The following CACNB2 variants were observed in gnomAD, a reference collection of about 807,000 sequenced individuals.
CACNB2 encodes calcium voltage-gated channel auxiliary subunit beta 2.
Under a neutral mutation model 73.3 loss-of-function variants are expected in CACNB2, and 42 were observed. The observed-to-expected ratio is 0.57, with a 90% CI of 0.45 to 0.74. CACNB2 has a LOEUF of 0.74. Among genes scored for constraint, CACNB2 ranks in the 30% least tolerant of loss-of-function variants. The pLI is 0.00. For missense variants in CACNB2, 940 were observed against 853.0 expected (o/e 1.10, Z -1.27); for synonymous variants, 348 against 310.3 (o/e 1.12, Z -1.28).
intron 2 of CACNB2, among the ~76,000 whole-genome samples, chr10:18,305,546 C>T (rs1000003159): frequency 6.6e-6 from 1 of 152,168 alleles, no homozygotes; most frequent in African/African-American, 2.4e-5. Flanking sequence ...AGAAGACAGT[C>T]TTTCATTATT....
rs201037944 is a variant in CACNB2 at position 18,201,601 on chromosome 10, A to C, written c.213+50626A>C. On this transcript the variant is annotated intron_variant, in intron 2 of 13. Coordinates refer to ENST00000324631, the MANE Select transcript of CACNB2 (RefSeq NM_201596.3). ...GTGTTGTTTTTAATTGACACATAATAATTTTACATATTTATAAGGTACATA... is the reference window on the plus strand; with the variant it reads ...GTGTTGTTTTTAATTGACACATAATCATTTTACATATTTATAAGGTACATA... Among the ~76,000 whole-genome samples, 4 of 152,178 alleles carry C rather than the reference A, an allele frequency of 2.6e-5. No homozygotes were observed. The East Asian group carries it at 7.7e-4, about 29-fold the overall frequency.
chr10:18,171,521 G>GGAAAAAAAA lies in CACNB2; in HGVS notation c.213+20546_213+20547insGAAAAAAAA, dbSNP rs1185764878. Among the ~76,000 whole-genome samples, 2 of 32,588 alleles carry GGAAAAAAAA rather than the reference G, an allele frequency of 6.1e-5. 1 individual carries two copies. 21.4% of individuals were successfully genotyped at this position (32,588 alleles called of 152,430 possible). A position where few individuals can be genotyped will look rare whatever the true frequency, so the allele number is the denominator to read the frequency against. ...TCCCTTCTTCCCGGCTTTGATAGCA[G>GGAAAAAAAA]AAAAAAAAAAAAAAAAAAAAAAAAA... On this transcript the variant is annotated intron_variant, in intron 2 of 13. Transcript: ENST00000324631.
chr10:18,214,726 G>C (rs2035445977), intron 2 of CACNB2, among the ~76,000 whole-genome samples: 1 of 151,502 alleles, frequency 6.6e-6, no homozygotes, highest in South Asian at 2.1e-4. Flanking sequence ...GAACAGATTT[G>C]TAACTCCTTT....
intron 2 of CACNB2, among the ~76,000 whole-genome samples, chr10:18,327,170 A>C (rs990920098): frequency 1.3e-5 from 2 of 152,130 alleles, no homozygotes; most frequent in African/African-American, 4.8e-5. Context: ...GATTTGAAAT[A>C]TGTTCTGATG....
chr10:18,532,676 C>CAAAAAAAAAAAAAAAAAAAAA (rs1219587375), intron 10 of CACNB2, among the ~76,000 whole-genome samples: 5 of 92,560 alleles, frequency 5.4e-5, no homozygotes, highest in East Asian at 2.3e-4. Context: ...GACTCTGTCT[C>CAAAAAAAAAAAAAAAAAAAAA]AAAAAAAAAA....
chr10:18,212,134 C>G (rs2035342870), intron 2 of CACNB2, among the ~76,000 whole-genome samples: 3 of 152,068 alleles, frequency 2.0e-5, no homozygotes, highest in African/African-American at 7.2e-5. Flanking sequence ...TGCTTAAGGC[C>G]GACCTTGGAG....
intron 3 of CACNB2, among the ~76,000 whole-genome samples, chr10:18,425,506 A>G (rs1482182002): frequency 1.0e-5 from 1 of 98,456 alleles, no homozygotes; most frequent in East Asian, 3.5e-4. Flanking sequence ...GTTACTACAA[A>G]TAATTGAAAT....
intron 2 of CACNB2, among the ~76,000 whole-genome samples, chr10:18,185,832 G>T (rs1025551984): frequency 6.6e-6 from 1 of 152,026 alleles, no homozygotes; most frequent in East Asian, 1.9e-4. Flanking sequence ...TTGGGATATG[G>T]TAGAGAACAA....
chr10:18,538,284 T>C lies in CACNB2; in HGVS notation c.1407T>C (p.Ser469=), dbSNP rs2133324714. The change falls in exon 13 of 14, where the codon AGT becomes AGC. Residue 469 remains serine (S), a synonymous_variant. Coordinates refer to ENST00000324631, the MANE Select transcript of CACNB2 (RefSeq NM_201596.3). The part of the protein sequence containing the change: ...AYWKATHPPS[S]SLPNPLLSRT... ...GGAAGGCCACCCATCCTCCCAGCAG[T>C]AGCCTCCCCAACCCTCTCCTTAGCC... is the stretch of plus-strand genomic sequence containing the variant. 1 of 1,614,130 alleles carries C rather than the reference T, an allele frequency of 6.2e-7. No homozygotes were observed. The highest frequency in any genetic ancestry group is 8.5e-7 in the Non-Finnish European group (1 of 1,179,982).
intron 2 of CACNB2, among the ~76,000 whole-genome samples, chr10:18,369,517 A>G (rs553857241): frequency 9.8e-5 from 15 of 152,318 alleles, no homozygotes; most frequent in African/African-American, 3.6e-4. Context: ...TAAGAAACAT[A>G]AAAATAGGCT....
intron 2 of CACNB2, among the ~76,000 whole-genome samples, chr10:18,344,169 T>A (rs1589095158): frequency 1.3e-5 from 2 of 151,942 alleles, no homozygotes; most frequent in African/African-American, 4.8e-5. Flanking sequence ...ACTCTTCAGA[T>A]ATAATTTGTA....
intron 1 of CACNB2, among the ~76,000 whole-genome samples, chr10:18,142,140 A>C (rs1453769691): frequency 6.6e-6 from 1 of 152,236 alleles, no homozygotes. Context: ...GGCAGTTCCA[A>C]GTGGCATAGT....
At chr10:18,406,386 C>T (rs2044288961) in intron 3 of CACNB2, among the ~76,000 whole-genome samples, 1 of 152,176 alleles carries the variant, frequency 6.6e-6, no homozygotes, top group African/African-American at 2.4e-5. Context: ...AGGTGAACAG[C>T]AGCAGCCAGA....
chr10:18,519,390 G>A (rs998626016), intron 9 of CACNB2, among the ~76,000 whole-genome samples: 5 of 151,896 alleles, frequency 3.3e-5, no homozygotes, highest in Admixed American at 1.3e-4. Flanking sequence ...ACTTGCTTCC[G>A]TGTCATTGAG....
chr10:18,296,847 C>T (rs1455858365), intron 2 of CACNB2, among the ~76,000 whole-genome samples: 3 of 152,072 alleles, frequency 2.0e-5, no homozygotes, highest in South Asian at 2.1e-4. Flanking sequence ...AAAGTATGTG[C>T]GGTAGAGGCA....
intron 2 of CACNB2, among the ~76,000 whole-genome samples, chr10:18,287,598 C>G (rs1004773286): frequency 2.6e-5 from 4 of 152,174 alleles, no homozygotes; most frequent in African/African-American, 9.7e-5. Flanking sequence ...CGCCTGTAAT[C>G]CCAGCACTTT....
At chr10:18,484,434 A>G (rs1010821237) in intron 3 of CACNB2, among the ~76,000 whole-genome samples, 1 of 152,094 alleles carries the variant, frequency 6.6e-6, no homozygotes, top group Non-Finnish European at 1.5e-5. Context: ...GAGAAAACCA[A>G]CTAAGAAATG....
intron 2 of CACNB2, among the ~76,000 whole-genome samples, chr10:18,208,950 C>T (rs572381391): frequency 4.6e-5 from 7 of 152,170 alleles, no homozygotes; most frequent in African/African-American, 2.4e-5. Context: ...TGGAGCACAT[C>T]ATCGTTGGCA....
chr10:18,486,252 A>G (rs1008047936), intron 3 of CACNB2, among the ~76,000 whole-genome samples: 1 of 152,172 alleles, frequency 6.6e-6, no homozygotes. Flanking sequence ...TTAGGTATGC[A>G]TTGTGTTATA....
Sources: allele counts gnomAD v4.1 joint callset (sites outside exome capture counted in the v4.1 genomes callset), GRCh38; gene constraint gnomAD v4.1.1; transcripts MANE v1.5; gene names NCBI Gene and HGNC (gene_info 2026-07-23, HGNC 2026-07-21).